Variants in STAT3 observed in about 807,000 individuals in gnomAD.
The protein encoded by STAT3 is DNA-binding protein APRF.
STAT3 carries 7 observed loss-of-function variants against 114.3 expected under a neutral mutation model. The observed-to-expected ratio is 0.06, with a 90% CI of 0.03 to 0.11. The LOEUF is 0.11. Ranked by LOEUF, STAT3 falls within the 10% of genes least tolerant of loss-of-function variation. The pLI is 1.00. For synonymous variants in STAT3, 331 were observed against 354.5 expected (o/e 0.93, Z 0.74); for missense variants, 364 against 960.9 (o/e 0.38, Z 8.21).
intron 1 of STAT3, among the ~76,000 whole-genome samples, chr17:42,361,799 A>G (rs2083524253): frequency 6.6e-6 from 1 of 152,066 alleles, no homozygotes; most frequent in Non-Finnish European, 1.5e-5. Flanking sequence ...TCCAAGGGCA[A>G]TGGGGTAAGT....
At chr17:42,330,121 T>C (rs1007491223) in intron 11 of STAT3, among the ~76,000 whole-genome samples, 25 of 142,340 alleles carry the variant, frequency 1.8e-4, no homozygotes, top group African/African-American at 7.1e-4. Context: ...TTTTCTTTTT[T>C]CTTTTTTTTT....
chr17:42,374,660 G>A (rs1212802782), intron 1 of STAT3, among the ~76,000 whole-genome samples: 2 of 150,264 alleles, frequency 1.3e-5, no homozygotes, highest in African/African-American at 2.4e-5. Context: ...TTCACATTGC[G>A]TTTTCCAGTC....
At chr17:42,325,858 G>A (rs563715038) in intron 15 of STAT3, among the ~76,000 whole-genome samples, 6 of 152,214 alleles carry the variant, frequency 3.9e-5, no homozygotes, top group Non-Finnish European at 4.4e-5. Flanking sequence ...CACCGCGCCC[G>A]GCCAATCAAT....
chr17:42,326,573 T>C (rs7215694), intron 14 of STAT3, among the ~76,000 whole-genome samples: 32,541 of 151,328 alleles, frequency 0.22, 3,886 homozygotes, highest in East Asian at 0.36. Flanking sequence ...AATCCCAGCA[T>C]TTTGGGAGGC....
chr17:42,320,727 TA>T (rs756271214), intron 21 of STAT3, among the ~76,000 whole-genome samples: 616 of 60,090 alleles, frequency 0.01, 2 homozygotes, highest in South Asian at 0.026. Flanking sequence ...AGACTTAGTC[TA>T]AAAAAAAAAA....
At chr17:42,372,020 C>T (rs2084179351) in intron 1 of STAT3, among the ~76,000 whole-genome samples, 1 of 152,106 alleles carries the variant, frequency 6.6e-6, no homozygotes. Context: ...ATAGGTATAC[C>T]ATTATACACC....
chr17:42,348,582 G>A, intron 1 of STAT3, 43 bp from the exon 2 acceptor site: 1 of 1,609,480 alleles, frequency 6.2e-7, no homozygotes, highest in East Asian at 2.2e-5. Flanking sequence ...AGTCCCAGTA[G>A]GGGTAAACAA....
chr17:42,373,282 G>A (rs2084260496), intron 1 of STAT3, among the ~76,000 whole-genome samples: 1 of 152,006 alleles, frequency 6.6e-6, no homozygotes, highest in East Asian at 1.9e-4. Flanking sequence ...CCTGGGAGGC[G>A]GAGGTTGCAG....
chr17:42,388,412 T>A lies in STAT3; in HGVS notation c.-157A>T. Reference sequence around the variant, plus strand: ...GCCAAGCCGGGGTGCCTGTCCAGGATCCGGTTGGGGCTTGTTCCCTCGGCT... The same window carrying A: ...GCCAAGCCGGGGTGCCTGTCCAGGAACCGGTTGGGGCTTGTTCCCTCGGCT... On this transcript the variant is annotated 5_prime_UTR_variant, in exon 1 of 24. Coordinates refer to ENST00000264657, the MANE Select transcript of STAT3 (RefSeq NM_139276.3). 1 of 1,231,660 alleles carries A rather than the reference T, an allele frequency of 8.1e-7. No homozygotes were observed. Among genetic ancestry groups the A allele is most frequent in the Non-Finnish European group, 1.0e-6 (1 of 987,908 alleles). The allele number at this position is 1,231,660 out of a possible 1,614,324, so 76.3% of individuals were successfully genotyped here. A position where few individuals can be genotyped will look rare whatever the true frequency, so the allele number is the denominator to read the frequency against.
intron 22 of STAT3, 29 bp from the exon 23 acceptor site, chr17:42,316,930 GA>G: frequency 6.3e-7 from 1 of 1,595,074 alleles, no homozygotes; most frequent in Non-Finnish European, 8.5e-7. Flanking sequence ...AGCAGGAGGG[GA>G]AACGGGGGGT....
At chr17:42,319,540 T>G (rs1248208843) in intron 21 of STAT3, among the ~76,000 whole-genome samples, 2 of 26,498 alleles carry the variant, frequency 7.5e-5, no homozygotes, top group African/African-American at 5.6e-4. Flanking sequence ...AGACTCAGGC[T>G]CAAAAAAAAA....
In STAT3 at chr17:42,345,577, A is replaced by G; in HGVS notation, c.354T>C (p.Thr118=). ...GTCTCACCTGGGCCGCAGTGGCTGC[A>G]GTCTGTAGAAGGCGTGATTCTTCCC... ...CLWEESRLLQ[T]AATAAQQGGQ... Residue 118 remains threonine (T), a synonymous_variant, in exon 4 of 24, where the codon ACT becomes ACC. Transcript: ENST00000264657. The G allele has an allele frequency of 6.2e-7, 1 of 1,606,388 alleles. No homozygotes were observed. The highest frequency in any genetic ancestry group is 1.1e-5 in the South Asian group (1 of 89,864).
chr17:42,345,032 G>A (rs1295680057), intron 4 of STAT3, among the ~76,000 whole-genome samples: 3 of 151,704 alleles, frequency 2.0e-5, no homozygotes, highest in Non-Finnish European at 4.4e-5. Flanking sequence ...GTGGGAGGCT[G>A]AGGCGGGCGG....
At chr17:42,329,380 C>T (rs1275052704) in intron 14 of STAT3, 30 bp downstream of exon 14, 1 of 1,612,394 alleles carries the variant, frequency 6.2e-7, no homozygotes, top group Admixed American at 1.7e-5. Context: ...GAAAACACCC[C>T]AGTTGTCTTT....
intron 14 of STAT3, among the ~76,000 whole-genome samples, 183 bp downstream of exon 14, chr17:42,329,227 C>T (rs2081881406): frequency 6.6e-6 from 1 of 152,186 alleles, no homozygotes; most frequent in African/African-American, 2.4e-5. Flanking sequence ...ATGTTCCAAG[C>T]CAGAGAGCTC....
At chr17:42,316,578 T>C in intron 23 of STAT3, 2 of 1,340,358 alleles carry the variant, frequency 1.5e-6, no homozygotes, top group Non-Finnish European at 2.0e-6. Flanking sequence ...AAATAAAATA[T>C]ATTGTAAAAA....
At position 42,342,976 on chromosome 17, in the gene STAT3, G is replaced by A. The variant is rs549260738; in HGVS notation, c.372+2583C>T. ...GCCCAGGAGTTCAACACCAGCCTGG[G>A]AAACATGGCAAGAGCCCATCTCTAC... On this transcript the variant is annotated intron_variant, in intron 4 of 23. Coordinates refer to ENST00000264657, the MANE Select transcript of STAT3 (RefSeq NM_139276.3). Among the ~76,000 whole-genome samples, 245 of 142,992 alleles carry A rather than the reference G, an allele frequency of 1.7e-3. 1 individual carries two copies. The highest frequency in any genetic ancestry group is 6.4e-3 in the African/African-American group (239 of 37,558). The allele number at this position is 142,992 out of a possible 152,430, so 93.8% of individuals were successfully genotyped here. A position where few individuals can be genotyped will look rare whatever the true frequency, so the allele number is the denominator to read the frequency against.
intron 4 of STAT3, among the ~76,000 whole-genome samples, chr17:42,341,643 T>C (rs1598430394): frequency 6.6e-6 from 1 of 152,288 alleles, no homozygotes; most frequent in East Asian, 1.9e-4. Context: ...ATGCCAGGTA[T>C]TGTAAACAGA....
chr17:42,316,176 G>T, intron 23 of STAT3: 2 of 755,690 alleles, frequency 2.6e-6, no homozygotes, highest in South Asian at 2.6e-5. Context: ...AAGCCCACTG[G>T]ATTTTAAAGG....
Sources: allele counts gnomAD v4.1 joint callset (sites outside exome capture counted in the v4.1 genomes callset), GRCh38; gene constraint gnomAD v4.1.1; transcripts MANE v1.5; gene names NCBI Gene and HGNC (gene_info 2026-07-23, HGNC 2026-07-21).